FRMD3: variants seen among roughly 807,000 people sequenced by gnomAD.
FRMD3 encodes FERM domain containing 3.
Under a neutral mutation model 70.2 loss-of-function variants are expected in FRMD3, and 33 were observed. The observed-to-expected ratio is 0.47, with a 90% CI of 0.36 to 0.63. The LOEUF is 0.63. Ranked by LOEUF, FRMD3 falls within the 20% of genes least tolerant of loss-of-function variation. The probability of loss-of-function intolerance (pLI) is 0.00; values close to 1 mark genes in which losing one functional copy is unlikely to be tolerated. For missense variants in FRMD3, 632 were observed against 711.4 expected (o/e 0.89, Z 1.27); for synonymous variants, 279 against 255.9 (o/e 1.09, Z -0.86).
chr9:83,449,564 C>G (rs1212732714), intron 1 of FRMD3, among the ~76,000 whole-genome samples: 20 of 152,208 alleles, frequency 1.3e-4, no homozygotes, highest in Non-Finnish European at 7.3e-5. Context: ...AGAGCTGGGT[C>G]CAGAACCCAG....
intron 1 of FRMD3, among the ~76,000 whole-genome samples, chr9:83,528,444 A>C (rs1243270131): frequency 6.6e-6 from 1 of 151,926 alleles, no homozygotes; most frequent in Non-Finnish European, 1.5e-5. Context: ...GCAAAGAAGA[A>C]GCATATAAGT....
At chr9:83,386,675 C>T (rs1349041696) in intron 2 of FRMD3, among the ~76,000 whole-genome samples, 1 of 152,044 alleles carries the variant, frequency 6.6e-6, no homozygotes, top group Non-Finnish European at 1.5e-5. Context: ...GCTATTCTAC[C>T]ATAGCATTAA....
chr9:83,263,521 C>A (rs913507973), intron 13 of FRMD3, among the ~76,000 whole-genome samples: 4 of 152,174 alleles, frequency 2.6e-5, no homozygotes, highest in African/African-American at 9.7e-5. Flanking sequence ...AGAATTCCCA[C>A]CAAAGTCAGG....
the FRMD3 span, among the ~76,000 whole-genome samples, chr9:83,555,324 G>A: frequency 6.6e-6 from 1 of 152,060 alleles, no homozygotes; most frequent in African/African-American, 2.4e-5. Context: ...GGTGGGAGTG[G>A]CTGGAGGCCC....
intron 6 of FRMD3, among the ~76,000 whole-genome samples, chr9:83,333,970 G>A (rs1296083080): frequency 6.6e-6 from 1 of 152,124 alleles, no homozygotes; most frequent in Non-Finnish European, 1.5e-5. Context: ...TTGGCATCTA[G>A]TAAGTAAATG....
At chr9:83,266,130 C>T (rs1833244414) in intron 13 of FRMD3, among the ~76,000 whole-genome samples, 1 of 151,622 alleles carries the variant, frequency 6.6e-6, no homozygotes, top group Non-Finnish European at 1.5e-5. Context: ...TGAACAATCC[C>T]ATTTATAAAA....
intron 13 of FRMD3, among the ~76,000 whole-genome samples, chr9:83,267,442 A>T (rs1833322117): frequency 6.6e-6 from 1 of 152,232 alleles, no homozygotes; most frequent in South Asian, 2.1e-4. Flanking sequence ...CAAATGCCTC[A>T]TCATTTCCTA....
At chr9:83,316,182 A>T (rs1835568240) in intron 6 of FRMD3, among the ~76,000 whole-genome samples, 1 of 125,376 alleles carries the variant, frequency 8.0e-6, no homozygotes. Context: ...TTTTTGAGAC[A>T]GAGTCTCACT....
At chr9:83,373,579 C>T (rs1825047837) in intron 2 of FRMD3, among the ~76,000 whole-genome samples, 1 of 152,140 alleles carries the variant, frequency 6.6e-6, no homozygotes, top group Admixed American at 6.5e-5. Context: ...AACCATGTTA[C>T]TGACAGGCAT....
At chr9:83,511,593 G>T (rs1362235273) in intron 1 of FRMD3, among the ~76,000 whole-genome samples, 1 of 152,198 alleles carries the variant, frequency 6.6e-6, no homozygotes, top group East Asian at 1.9e-4. Flanking sequence ...GAAGTATCTG[G>T]CTGATGGCTT....
intron 13 of FRMD3, among the ~76,000 whole-genome samples, chr9:83,250,780 A>G (rs1832373083): frequency 6.6e-6 from 1 of 152,078 alleles, no homozygotes; most frequent in Non-Finnish European, 1.5e-5. Context: ...ACCCCAATCC[A>G]TTTCTCCTCA....
the FRMD3 span, among the ~76,000 whole-genome samples, chr9:83,580,558 A>G: frequency 6.6e-6 from 1 of 152,100 alleles, no homozygotes; most frequent in Non-Finnish European, 1.5e-5. Context: ...GGAATCTTTA[A>G]AAAGTTGAAT....
intron 10 of FRMD3, among the ~76,000 whole-genome samples, chr9:83,304,371 C>T (rs982959477): frequency 1.3e-4 from 20 of 152,110 alleles, no homozygotes; most frequent in Admixed American, 9.8e-4. Context: ...GTGTGGTCTA[C>T]GGACCCACCG....
intron 1 of FRMD3, among the ~76,000 whole-genome samples, chr9:83,417,578 G>A (rs1826493885): frequency 6.6e-6 from 1 of 152,128 alleles, no homozygotes; most frequent in Non-Finnish European, 1.5e-5. Flanking sequence ...CCCTTACCTG[G>A]AAGTGCCTGC....
At chr9:83,571,399 C>T in the FRMD3 span, among the ~76,000 whole-genome samples, 1 of 152,282 alleles carries the variant, frequency 6.6e-6, no homozygotes. Flanking sequence ...GTTTTAGCAA[C>T]ACAAAACAGA....
chr9:83,251,594 C>G (rs567714933), intron 13 of FRMD3, among the ~76,000 whole-genome samples: 88 of 152,238 alleles, frequency 5.8e-4, no homozygotes, highest in Middle Eastern at 6.8e-3. Flanking sequence ...ATGTTCTAAC[C>G]CAATGCAAAG....
intron 13 of FRMD3, among the ~76,000 whole-genome samples, chr9:83,252,251 A>T (rs911237373): frequency 6.6e-6 from 1 of 152,184 alleles, no homozygotes. Context: ...CCAACCCAGA[A>T]TTTCATCTTT....
chr9:83,316,922 A>C (rs1587717164), intron 6 of FRMD3, among the ~76,000 whole-genome samples: 1 of 152,154 alleles, frequency 6.6e-6, no homozygotes, highest in East Asian at 1.9e-4. Context: ...TATTGAAGTC[A>C]GGCTTGGTGC....
downstream of FRMD3, chr9:83,243,067 C>A: frequency 2.5e-6 from 2 of 803,832 alleles, no homozygotes; most frequent in African/African-American, 1.7e-5. Context: ...TTCCTTTCTT[C>A]TTCTGTGAAG....
Sources: allele counts gnomAD v4.1 joint callset (sites outside exome capture counted in the v4.1 genomes callset), GRCh38; gene constraint gnomAD v4.1.1; transcripts MANE v1.5; gene names NCBI Gene and HGNC (gene_info 2026-07-23, HGNC 2026-07-21).